PPARGC1A: variants seen among roughly 807,000 people sequenced by gnomAD.
PPARGC1A encodes the protein PPARG coactivator 1 alpha.
PPARGC1A carries 25 observed loss-of-function variants against 88.7 expected under a neutral mutation model. The ratio of observed to expected loss-of-function variants is 0.28; its 90% confidence interval spans 0.21 to 0.39. PPARGC1A has a LOEUF of 0.39. PPARGC1A is among the 10% of genes least tolerant of loss of function. The probability of loss-of-function intolerance (pLI) is 1.00; values close to 1 mark genes in which losing one functional copy is unlikely to be tolerated. For missense variants in PPARGC1A, 880 were observed against 968.7 expected, an observed-to-expected ratio of 0.91 and a Z score of 1.22; for synonymous variants, 363 against 355.6, an observed-to-expected ratio of 1.02 and a Z score of -0.24.
chr4:24,029,792 T>C, the PPARGC1A span, among the ~76,000 whole-genome samples: 2 of 151,500 alleles, frequency 1.3e-5, no homozygotes, highest in East Asian at 3.9e-4. Context: ...GAAAAAAAAA[T>C]ATAATACGAT....
the PPARGC1A span, among the ~76,000 whole-genome samples, chr4:24,325,177 C>G: frequency 6.6e-6 from 1 of 152,142 alleles, no homozygotes; most frequent in Non-Finnish European, 1.5e-5. Flanking sequence ...CCCCAGCAAC[C>G]CTGAGACGCT....
upstream of PPARGC1A, among the ~76,000 whole-genome samples, chr4:23,893,924 C>T (rs1401797220): frequency 1.3e-5 from 2 of 152,046 alleles, no homozygotes; most frequent in Non-Finnish European, 2.9e-5. Context: ...TCATATACCA[C>T]ATCTCAGTCA....
At chr4:24,091,018 A>G in the PPARGC1A span, among the ~76,000 whole-genome samples, 12 of 152,360 alleles carry the variant, frequency 7.9e-5, no homozygotes, top group Middle Eastern at 3.4e-3. Context: ...CGCAAGCTGC[A>G]TTAAAAGAAT....
the PPARGC1A span, among the ~76,000 whole-genome samples, chr4:24,141,154 A>C: frequency 1.3e-5 from 2 of 152,230 alleles, no homozygotes; most frequent in Non-Finnish European, 2.9e-5. Context: ...AGCAGAAAAA[A>C]ATCCCTTGCT....
chr4:24,090,125 C>T, the PPARGC1A span, among the ~76,000 whole-genome samples: 2 of 152,090 alleles, frequency 1.3e-5, no homozygotes, highest in Non-Finnish European at 2.9e-5. Flanking sequence ...GAAATAAAGA[C>T]TATATAAAAT....
chr4:23,981,285 G>A, the PPARGC1A span, among the ~76,000 whole-genome samples: 1 of 151,940 alleles, frequency 6.6e-6, no homozygotes, highest in African/African-American at 2.4e-5. Flanking sequence ...CACCATGAGA[G>A]CAGAAATCTC....
the PPARGC1A span, among the ~76,000 whole-genome samples, chr4:23,963,432 T>G: frequency 6.6e-6 from 1 of 152,192 alleles, no homozygotes; most frequent in Non-Finnish European, 1.5e-5. Context: ...AATGAGTGAC[T>G]TTTGGTTGAT....
At chr4:24,158,320 C>A in the PPARGC1A span, among the ~76,000 whole-genome samples, 1 of 152,062 alleles carries the variant, frequency 6.6e-6, no homozygotes, top group Non-Finnish European at 1.5e-5. Context: ...CATTGCCAAC[C>A]AAAATATTAT....
At chr4:24,017,599 T>C in the PPARGC1A span, among the ~76,000 whole-genome samples, 1 of 152,294 alleles carries the variant, frequency 6.6e-6, no homozygotes, top group East Asian at 1.9e-4. Context: ...AATGGGTGTC[T>C]CAGAAAAGTA....
intron 2 of PPARGC1A, among the ~76,000 whole-genome samples, chr4:23,880,564 T>C (rs769446162): frequency 5.3e-5 from 8 of 152,236 alleles, no homozygotes; most frequent in Non-Finnish European, 8.8e-5. Flanking sequence ...ACATAATATA[T>C]GTCCATTTTT....
chr4:23,904,882 T>C (rs567085380), upstream of PPARGC1A, among the ~76,000 whole-genome samples: 2 of 152,332 alleles, frequency 1.3e-5, no homozygotes, highest in East Asian at 1.9e-4. Context: ...TGAACATAGA[T>C]ACTTTTACAC....
chr4:23,961,042 T>A, the PPARGC1A span, among the ~76,000 whole-genome samples: 3 of 152,162 alleles, frequency 2.0e-5, no homozygotes, highest in South Asian at 6.2e-4. Context: ...GCTAAGAGAA[T>A]GTGTATGTGT....
the PPARGC1A span, among the ~76,000 whole-genome samples, chr4:24,207,819 C>G: frequency 6.6e-6 from 1 of 152,106 alleles, no homozygotes; most frequent in Non-Finnish European, 1.5e-5. Context: ...AACCTGAAAC[C>G]ATATAAACAA....
At chr4:23,933,762 A>G in the PPARGC1A span, among the ~76,000 whole-genome samples, 1 of 152,222 alleles carries the variant, frequency 6.6e-6, no homozygotes, top group Non-Finnish European at 1.5e-5. Context: ...GTTCTTTGGA[A>G]GGCACTTTCA....
At chr4:24,290,325 C>G in the PPARGC1A span, among the ~76,000 whole-genome samples, 1 of 152,148 alleles carries the variant, frequency 6.6e-6, no homozygotes. Context: ...ATCACCCGAG[C>G]AGTATACACT....
chr4:24,174,189 G>A, the PPARGC1A span, among the ~76,000 whole-genome samples: 1 of 152,156 alleles, frequency 6.6e-6, no homozygotes, highest in Non-Finnish European at 1.5e-5. Context: ...CTGTAAATGG[G>A]ACAAATAACA....
chr4:24,421,280 T>C, the PPARGC1A span, among the ~76,000 whole-genome samples: 1 of 152,096 alleles, frequency 6.6e-6, no homozygotes, highest in Non-Finnish European at 1.5e-5. Context: ...TTATTTATTG[T>C]TTATCTAGAA....
the PPARGC1A span, among the ~76,000 whole-genome samples, chr4:24,263,456 T>TATACAC: frequency 6.1e-4 from 91 of 150,190 alleles, no homozygotes; most frequent in African/African-American, 2.1e-3. Context: ...TGTGGGTGTA[T>TATACAC]ACACACACAC....
chr4:24,280,127 A>T, the PPARGC1A span, among the ~76,000 whole-genome samples: 1 of 152,182 alleles, frequency 6.6e-6, no homozygotes, highest in South Asian at 2.1e-4. Flanking sequence ...ACTGGCTTGC[A>T]GAGATCAGTG....
Sources: gnomAD v4.1 joint callset for allele counts (sites outside exome capture counted in the v4.1 genomes callset) on GRCh38, gnomAD v4.1.1 for gene constraint, MANE v1.5 for transcripts, NCBI Gene and HGNC (gene_info 2026-07-23, HGNC 2026-07-21) for gene names.